Variants in AARS1 observed in about 807,000 individuals in gnomAD.
AARS1 encodes alanine--tRNA ligase, cytoplasmic.
Under a neutral mutation model 108.9 loss-of-function variants are expected in AARS1, and 72 were observed. The observed-to-expected ratio is 0.66, with a 90% CI of 0.55 to 0.80. The LOEUF (loss-of-function observed/expected upper bound fraction) is 0.80. Among genes scored for constraint, AARS1 ranks in the 30% least tolerant of loss-of-function variants. The probability of loss-of-function intolerance (pLI) is 0.00; values close to 1 mark genes in which losing one functional copy is unlikely to be tolerated. For missense variants in AARS1, 1,193 were observed against 1,233.2 expected (o/e 0.97, Z 0.49); for synonymous variants, 489 against 465.7 (o/e 1.05, Z -0.64).
At chr16:70,286,307 C>T (rs1222520737) in intron 1 of AARS1, among the ~76,000 whole-genome samples, 3 of 151,646 alleles carry the variant, frequency 2.0e-5, no homozygotes, top group African/African-American at 7.3e-5. Context: ...CTAACAGGAG[C>T]TGTAAAGGTC....
chr16:70,275,375 G>T (rs553934627), intron 4 of AARS1, among the ~76,000 whole-genome samples: 1 of 152,186 alleles, frequency 6.6e-6, no homozygotes, highest in African/African-American at 2.4e-5. Flanking sequence ...CAGCACTTTG[G>T]GAGGCCACGG....
chr16:70,261,826 T>C (rs1390223836), intron 12 of AARS1, among the ~76,000 whole-genome samples: 1 of 151,724 alleles, frequency 6.6e-6, no homozygotes, highest in African/African-American at 2.4e-5. Flanking sequence ...TCCACCACCA[T>C]ACCTGGCTAA....
intron 6 of AARS1, 96 bp from the exon 7 acceptor site, chr16:70,269,859 G>T: frequency 1.3e-6 from 2 of 1,510,882 alleles, no homozygotes; most frequent in Non-Finnish European, 1.8e-6. Context: ...AGCATTAGCA[G>T]AAAGGATGCC....
Position 70,258,215 on chromosome 16 carries a change from G to T in AARS1, c.1995C>A (p.Ala665=). The T allele has an allele frequency of 6.3e-7, 1 of 1,588,234 alleles. No individual in the cohort carries two copies. Among genetic ancestry groups the T allele is most frequent in the Non-Finnish European group, 8.6e-7 (1 of 1,166,384 alleles). ...CCAGGGGGCAATCCTGGGTATAGAC[G>T]GCCTGCCAGACCAAGAAGACAGAAA... ...IANEMIEAAK[A]VYTQDCPLAA... Residue 665 remains alanine (A), a splice_region_variant and synonymous_variant, in exon 15 of 21, where the codon GCC becomes GCA. Coordinates refer to ENST00000261772, the MANE Select transcript of AARS1 (RefSeq NM_001605.3).
Position 70,252,660 on chromosome 16 carries a change from T to C in AARS1, c.*61A>G, listed in dbSNP as rs559443649. Reference sequence around the variant, plus strand: ...AGGTCCCAAGATTCAAATGTTCTTGTAGCAGATGAAGAGCTCTTGGCTGGA... The same window carrying C: ...AGGTCCCAAGATTCAAATGTTCTTGCAGCAGATGAAGAGCTCTTGGCTGGA... On this transcript the variant is annotated 3_prime_UTR_variant, in exon 21 of 21. Coordinates refer to ENST00000261772, the MANE Select transcript of AARS1 (RefSeq NM_001605.3). 1 of 1,574,278 alleles carries C rather than the reference T, an allele frequency of 6.4e-7. No homozygotes were observed. The highest frequency in any genetic ancestry group is 1.3e-5 in the African/African-American group (1 of 74,232).
At chr16:70,269,049 C>A (rs1397177370) in intron 7 of AARS1, among the ~76,000 whole-genome samples, 1 of 152,014 alleles carries the variant, frequency 6.6e-6, no homozygotes, top group East Asian at 1.9e-4. Context: ...TCTGGCCGGG[C>A]ACGGTGGCTC....
chr16:70,289,195 C>A (rs1960962741), intron 1 of AARS1, among the ~76,000 whole-genome samples: 1 of 152,036 alleles, frequency 6.6e-6, no homozygotes, highest in Admixed American at 6.6e-5. Context: ...GGTTGGCAAC[C>A]GTGAGGTATT....
chr16:70,260,019 G>T (rs185553859), intron 13 of AARS1, among the ~76,000 whole-genome samples: 1 of 152,090 alleles, frequency 6.6e-6, no homozygotes, highest in African/African-American at 2.4e-5. Context: ...TGATCTGCTC[G>T]CCTCGGCCTC....
intron 16 of AARS1, among the ~76,000 whole-genome samples, 169 bp from the exon 17 acceptor site, chr16:70,254,903 A>G (rs142489558): frequency 3.9e-4 from 60 of 152,298 alleles, no homozygotes; most frequent in African/African-American, 1.4e-3. Context: ...CCCAGCAAGG[A>G]GCACAGTGCT....
chr16:70,273,362 C>T (rs936616894), intron 4 of AARS1, among the ~76,000 whole-genome samples: 2 of 152,160 alleles, frequency 1.3e-5, no homozygotes, highest in African/African-American at 4.8e-5. Flanking sequence ...GCACAGAACA[C>T]ATATAGCTCA....
chr16:70,282,376 T>C (rs985712323), intron 2 of AARS1, among the ~76,000 whole-genome samples: 1 of 149,314 alleles, frequency 6.7e-6, no homozygotes, highest in Non-Finnish European at 1.5e-5. Flanking sequence ...ACCTACGTAC[T>C]ATGTGCGAAA....
In AARS1 at chr16:70,265,579, C is replaced by T. The variant is rs561137479; in HGVS notation, c.1306G>A (p.Val436Ile). 2.5e-5 allele frequency: 41 copies of T among 1,614,112 alleles called. 1 individual carries two copies. The South Asian group carries it at 4.3e-4, about 17-fold the overall frequency. Reference protein sequence around the residue: ...GLIAEEKGLVVDMDGFEEERK... With the variant: ...GLIAEEKGLVIDMDGFEEERK... ...TCCTCTTCAAAGCCATCCATGTCTACCACCAGGCCCTTCTCTTCAGCAATC... is the reference window on the plus strand; with the variant it reads ...TCCTCTTCAAAGCCATCCATGTCTATCACCAGGCCCTTCTCTTCAGCAATC... The change falls in exon 10 of 21, where the codon GTA becomes ATA. Residue 436 changes from valine to isoleucine, a missense_variant. By Grantham distance (29) the Val-to-Ile change is conservative (BLOSUM62 3). Coordinates refer to ENST00000261772, the MANE Select transcript of AARS1 (RefSeq NM_001605.3).
intron 6 of AARS1, 87 bp from the exon 7 acceptor site, chr16:70,269,850 G>C: frequency 6.5e-7 from 1 of 1,546,612 alleles, no homozygotes; most frequent in Non-Finnish European, 8.9e-7. Flanking sequence ...GGATTGAGGA[G>C]CATTAGCAGA....
At chr16:70,253,199 G>A in intron 20 of AARS1, 69 bp downstream of exon 20, 1 of 1,314,740 alleles carries the variant, frequency 7.6e-7, no homozygotes, top group South Asian at 1.2e-5. Context: ...AATGCAGGCT[G>A]TACACACACA....
chr16:70,276,803 A>T (rs1258521629), intron 3 of AARS1, among the ~76,000 whole-genome samples, 163 bp downstream of exon 3: 1 of 152,230 alleles, frequency 6.6e-6, no homozygotes, highest in Non-Finnish European at 1.5e-5. Flanking sequence ...ACCAAATTAT[A>T]GGTACTACTT....
chr16:70,281,123 C>T (rs571645286), intron 2 of AARS1, among the ~76,000 whole-genome samples: 17 of 152,330 alleles, frequency 1.1e-4, no homozygotes, highest in African/African-American at 3.8e-4. Context: ...AGCCACTGCG[C>T]CCAGCCTCAA....
At chr16:70,279,525 T>C (rs1402728151) in intron 2 of AARS1, among the ~76,000 whole-genome samples, 1 of 151,392 alleles carries the variant, frequency 6.6e-6, no homozygotes, top group African/African-American at 2.4e-5. Context: ...CCAGGTGTGG[T>C]GGCAGACACC....
intron 15 of AARS1, 110 bp downstream of exon 15, chr16:70,257,923 G>A: frequency 8.1e-7 from 1 of 1,233,566 alleles, no homozygotes; most frequent in Non-Finnish European, 1.2e-6. Context: ...CGGCATTTCT[G>A]AGGACTTCAC....
At chr16:70,265,343 G>T (rs1249856256) in intron 10 of AARS1, 195 bp downstream of exon 10, 8 of 1,039,586 alleles carry the variant, frequency 7.7e-6, no homozygotes, top group Non-Finnish European at 8.8e-6. Flanking sequence ...CCCTAGTTGT[G>T]AAAATCAAAA....
Sources: allele counts gnomAD v4.1 joint callset (sites outside exome capture counted in the v4.1 genomes callset), GRCh38; gene constraint gnomAD v4.1.1; transcripts MANE v1.5; gene names NCBI Gene and HGNC (gene_info 2026-07-23, HGNC 2026-07-21).